SPON1: variants seen among roughly 807,000 people sequenced by gnomAD.
SPON1 encodes the protein spondin-1.
In SPON1, 52 loss-of-function variants were observed where a neutral mutation model predicts 111.7. That is an observed-to-expected ratio of 0.47 (90% CI 0.37 to 0.59). The LOEUF (loss-of-function observed/expected upper bound fraction) is 0.59, where lower values mean the gene tolerates loss of function less well. Among genes scored for constraint, SPON1 ranks in the 20% least tolerant of loss-of-function variants. The pLI is 0.00. For synonymous variants in SPON1, 410 were observed against 395.8 expected (o/e 1.04, Z -0.43); for missense variants, 957 against 1,068.5 (o/e 0.90, Z 1.46).
chr11:14,054,429 A>T (rs1848729578), intron 3 of SPON1, among the ~76,000 whole-genome samples: 1 of 152,224 alleles, frequency 6.6e-6, no homozygotes, highest in African/African-American at 2.4e-5. Context: ...AATAATCATT[A>T]TCTTCATCAT....
At position 14,057,831 on chromosome 11, in the gene SPON1, C is replaced by CAAAAAAAAAAAAAAAAAAAAAA. The variant is rs782306609; in HGVS notation, c.479+16189_479+16190insAAAAAAAAAAAAAAAAAAAAAA. On this transcript the variant is annotated intron_variant, in intron 3 of 15. Coordinates refer to ENST00000576479, the MANE Select transcript of SPON1 (RefSeq NM_006108.4). Reference sequence around the variant, plus strand: ...AAAACGTAGTGAGACCTTGTCTCTACAAAAAAAAAAAACAAAACAAAAACT... The same window carrying CAAAAAAAAAAAAAAAAAAAAAA: ...AAAACGTAGTGAGACCTTGTCTCTACAAAAAAAAAAAAAAAAAAAAAAAAAAAAAAAAAACAAAACAAAAACT... Among the ~76,000 whole-genome samples the CAAAAAAAAAAAAAAAAAAAAAA allele has an allele frequency of 4.8e-4, 48 of 100,418 alleles. 1 individual carries two copies. The highest frequency in any genetic ancestry group is 7.8e-4 in the Admixed American group (7 of 8,960). 65.9% of individuals were successfully genotyped at this position (100,418 alleles called of 152,430 possible). A position where few individuals can be genotyped will look rare whatever the true frequency, so the allele number is the denominator to read the frequency against.
chr11:14,118,016 C>T (rs1564909029), intron 5 of SPON1, among the ~76,000 whole-genome samples: 1 of 152,138 alleles, frequency 6.6e-6, no homozygotes, highest in Non-Finnish European at 1.5e-5. Context: ...TTTTCAAATA[C>T]AGAAGAGCAT....
At chr11:14,116,909 A>T (rs920625234) in intron 5 of SPON1, among the ~76,000 whole-genome samples, 1 of 152,142 alleles carries the variant, frequency 6.6e-6, no homozygotes, top group African/African-American at 2.4e-5. Flanking sequence ...CTTTCTGTGG[A>T]TAAGAAGTCT....
At chr11:14,185,268 A>G (rs1232644772) in intron 6 of SPON1, among the ~76,000 whole-genome samples, 4 of 152,220 alleles carry the variant, frequency 2.6e-5, no homozygotes, top group African/African-American at 7.2e-5. Flanking sequence ...GCTATTGTTC[A>G]TTACTATTGG....
intron 15 of SPON1, 77 bp downstream of exon 15, chr11:14,263,052 TTA>T (rs1849208323): frequency 6.4e-6 from 8 of 1,252,696 alleles, no homozygotes; most frequent in South Asian, 1.7e-5. Context: ...TTGGACCTGT[TTA>T]AAAAAAAAAA....
intron 5 of SPON1, among the ~76,000 whole-genome samples, chr11:14,086,549 G>A (rs563250709): frequency 1.8e-4 from 28 of 152,068 alleles, no homozygotes; most frequent in South Asian, 4.2e-4. Flanking sequence ...TTGGTTTGCC[G>A]GTATTTTATT....
chr11:14,199,443 T>G (rs952288384), intron 6 of SPON1, among the ~76,000 whole-genome samples: 18 of 151,650 alleles, frequency 1.2e-4, no homozygotes, highest in African/African-American at 3.9e-4. Flanking sequence ...AAAATATCCA[T>G]CTCTCCCTCT....
intron 6 of SPON1, among the ~76,000 whole-genome samples, chr11:14,238,323 G>C (rs1459712545): frequency 6.6e-6 from 1 of 152,096 alleles, no homozygotes; most frequent in East Asian, 1.9e-4. Context: ...GCTACCAGCA[G>C]CAAAGGAATG....
intron 10 of SPON1, 47 bp downstream of exon 10, chr11:14,256,739 C>A (rs782230767): frequency 6.1e-6 from 9 of 1,485,494 alleles, no homozygotes; most frequent in African/African-American, 1.4e-5. Context: ...ATTGACATAA[C>A]CCTTTGAGAA....
At chr11:14,004,154 GACACACACACACACATACACACACAC>G (rs1591347491) in intron 2 of SPON1, among the ~76,000 whole-genome samples, 1 of 151,056 alleles carries the variant, frequency 6.6e-6, no homozygotes, top group Non-Finnish European at 1.5e-5. Context: ...TACACACACA[GACACACACACACACATACACACACAC>G]ACACGTGTAC....
intron 5 of SPON1, among the ~76,000 whole-genome samples, chr11:14,091,533 T>G (rs1849057539): frequency 1.3e-5 from 2 of 152,258 alleles, no homozygotes; most frequent in Admixed American, 1.3e-4. Context: ...CCGGCACTGC[T>G]GGGGGACCCA....
intron 6 of SPON1, among the ~76,000 whole-genome samples, chr11:14,142,007 G>C (rs1269748806): frequency 6.6e-6 from 1 of 152,120 alleles, no homozygotes; most frequent in Non-Finnish European, 1.5e-5. Context: ...AAGATTTCCT[G>C]AGTTCAAATC....
At chr11:14,084,466 A>G (rs1848989585) in intron 5 of SPON1, among the ~76,000 whole-genome samples, 1 of 152,170 alleles carries the variant, frequency 6.6e-6, no homozygotes, top group Admixed American at 6.5e-5. Context: ...TGTCCCTGCA[A>G]AGGACATGAA....
chr11:13,972,785 A>C (rs1192239111), intron 1 of SPON1, among the ~76,000 whole-genome samples: 4 of 152,200 alleles, frequency 2.6e-5, no homozygotes, highest in Non-Finnish European at 4.4e-5. Flanking sequence ...TTTGCTTCAA[A>C]ATTAGTCAGG....
intron 6 of SPON1, among the ~76,000 whole-genome samples, chr11:14,242,394 G>T (rs1554939782): frequency 2.6e-5 from 4 of 152,198 alleles, no homozygotes; most frequent in Non-Finnish European, 1.5e-5. Context: ...CCCAGCTGGT[G>T]ACATTCTGGA....
chr11:14,220,559 A>G (rs546370351), intron 6 of SPON1, among the ~76,000 whole-genome samples: 141 of 152,314 alleles, frequency 9.3e-4, no homozygotes, highest in Non-Finnish European at 1.8e-3. Flanking sequence ...TTGCCTGATA[A>G]TAGAAAATGA....
At chr11:14,001,654 G>T (rs946339489) in intron 2 of SPON1, among the ~76,000 whole-genome samples, 17 of 152,254 alleles carry the variant, frequency 1.1e-4, no homozygotes, top group African/African-American at 4.1e-4. Flanking sequence ...CATCAACAAG[G>T]CTCAGTATAA....
chr11:13,969,215 C>CAAAAAAA lies in SPON1; in HGVS notation c.238+6088_238+6094dup, dbSNP rs3047401. Among the ~76,000 whole-genome samples the CAAAAAAA allele has an allele frequency of 4.4e-3, 472 of 106,892 alleles. 5 individuals are homozygous for CAAAAAAA. Among genetic ancestry groups the CAAAAAAA allele is most frequent in the Admixed American group, 6.4e-3 (57 of 8,896 alleles). 70.1% of individuals were successfully genotyped at this position (106,892 alleles called of 152,430 possible). A position where few individuals can be genotyped will look rare whatever the true frequency, so the allele number is the denominator to read the frequency against. ...GACAATATGGCAAAACCCATCTCTA[C>CAAAAAAA]AAAAAAAAAAAAAAAAAAAAATTAG... is the stretch of plus-strand genomic sequence containing the variant. On this transcript the variant is annotated intron_variant, in intron 1 of 15. Transcript: ENST00000576479.
intron 6 of SPON1, among the ~76,000 whole-genome samples, chr11:14,215,308 G>A (rs1848615627): frequency 6.6e-6 from 1 of 152,148 alleles, no homozygotes; most frequent in African/African-American, 2.4e-5. Context: ...GCCTCCTTAG[G>A]TGACCTGGGT....
Sources: allele counts gnomAD v4.1 joint callset (sites outside exome capture counted in the v4.1 genomes callset), GRCh38; gene constraint gnomAD v4.1.1; transcripts MANE v1.5; gene names NCBI Gene and HGNC (gene_info 2026-07-23, HGNC 2026-07-21).